KSR2: variants seen among roughly 807,000 people sequenced by gnomAD.
The protein encoded by KSR2 is kinase suppressor of ras 2.
A neutral mutation model predicts 107.8 loss-of-function variants in KSR2; 25 were observed. The observed-to-expected ratio is 0.23, with a 90% CI of 0.17 to 0.32. KSR2 has a LOEUF of 0.32. KSR2 is among the 10% of genes least tolerant of loss of function. The pLI, the probability that KSR2 is intolerant of heterozygous loss-of-function variation, is 1.00. For missense variants in KSR2, 887 were observed against 1,268.9 expected, an observed-to-expected ratio of 0.70 and a Z score of 4.57; for synonymous variants, 480 against 507.0, an observed-to-expected ratio of 0.95 and a Z score of 0.71.
At chr12:117,691,223 A>T (rs1385201088) in intron 4 of KSR2, among the ~76,000 whole-genome samples, 1 of 152,206 alleles carries the variant, frequency 6.6e-6, no homozygotes, top group African/African-American at 2.4e-5. Flanking sequence ...TTTGTTCCAC[A>T]GTGCCCTGGA....
intron 3 of KSR2, among the ~76,000 whole-genome samples, chr12:117,817,100 A>G (rs1198105777): frequency 6.6e-6 from 1 of 152,166 alleles, no homozygotes; most frequent in African/African-American, 2.4e-5. Context: ...CCTTTTGCCA[A>G]ATCTTTCCAG....
chr12:117,832,429 C>G lies in KSR2; in HGVS notation c.472+22999G>C, dbSNP rs530345236. Among the ~76,000 whole-genome samples the G allele has an allele frequency of 2.0e-5, 3 of 152,254 alleles. No individual in the cohort carries two copies. The East Asian group carries it at 5.8e-4, about 29-fold the overall frequency. On this transcript the variant is annotated intron_variant, in intron 3 of 19. Coordinates refer to ENST00000339824, the MANE Select transcript of KSR2 (RefSeq NM_173598.6). Reference sequence around the variant, plus strand: ...AATGGCTACAGATAAAGCTACAGACCCAGCGTCATCAACAAAAGTAGCAAT... The same window carrying G: ...AATGGCTACAGATAAAGCTACAGACGCAGCGTCATCAACAAAAGTAGCAAT...
intron 1 of KSR2, among the ~76,000 whole-genome samples, chr12:117,966,734 A>G (rs1896809543): frequency 6.6e-6 from 1 of 150,922 alleles, no homozygotes; most frequent in African/African-American, 2.4e-5. Context: ...GACCTCCTGC[A>G]TGTTGACATC....
intron 4 of KSR2, among the ~76,000 whole-genome samples, chr12:117,715,147 CA>C (rs1565976080): frequency 6.6e-6 from 1 of 152,140 alleles, no homozygotes; most frequent in Non-Finnish European, 1.5e-5. Context: ...AAAAGAGACA[CA>C]ATTTTCTTAT....
At chr12:117,898,974 G>C (rs145150869) in intron 1 of KSR2, among the ~76,000 whole-genome samples, 1,729 of 152,176 alleles carry the variant, frequency 0.011, 30 homozygotes, top group African/African-American at 0.04. Flanking sequence ...AACCTTAGAA[G>C]TTTCTTCTTT....
At chr12:117,481,916 G>C (rs1189280829) in intron 16 of KSR2, among the ~76,000 whole-genome samples, 1 of 152,130 alleles carries the variant, frequency 6.6e-6, no homozygotes, top group African/African-American at 2.4e-5. Context: ...GCCTTGTCAT[G>C]AACAAGAGGG....
intron 14 of KSR2, among the ~76,000 whole-genome samples, chr12:117,511,512 C>T (rs777294545): frequency 3.9e-4 from 60 of 152,292 alleles, no homozygotes; most frequent in Non-Finnish European, 7.4e-5. Flanking sequence ...CAAGGTTATG[C>T]CCTAGCTTAG....
intron 5 of KSR2, among the ~76,000 whole-genome samples, chr12:117,662,564 G>A (rs994308214): frequency 6.6e-6 from 1 of 152,228 alleles, no homozygotes; most frequent in African/African-American, 2.4e-5. Flanking sequence ...GAGTTGCTTA[G>A]AGTAGGGATG....
At chr12:117,568,193 C>T (rs1004297466) in intron 7 of KSR2, among the ~76,000 whole-genome samples, 1 of 152,174 alleles carries the variant, frequency 6.6e-6, no homozygotes, top group African/African-American at 2.4e-5. Flanking sequence ...CCTCTCCTCT[C>T]CCTCGCCTTC....
chr12:117,955,366 T>C (rs929078157), intron 1 of KSR2, among the ~76,000 whole-genome samples: 3 of 152,084 alleles, frequency 2.0e-5, no homozygotes, highest in African/African-American at 7.2e-5. Context: ...GTTCAAGCAA[T>C]CCTCCTGCTT....
intron 3 of KSR2, among the ~76,000 whole-genome samples, chr12:117,804,519 C>T (rs1890946830): frequency 6.6e-6 from 1 of 152,218 alleles, no homozygotes; most frequent in Admixed American, 6.5e-5. Flanking sequence ...AGACCCTACA[C>T]TGAATACCCA....
At chr12:117,716,569 C>T (rs1162526560) in intron 4 of KSR2, among the ~76,000 whole-genome samples, 1 of 152,202 alleles carries the variant, frequency 6.6e-6, no homozygotes. Context: ...AAACCAACTT[C>T]AACTGTTTCT....
At chr12:117,667,727 C>G (rs1884727040) in intron 4 of KSR2, 69 bp from the exon 5 acceptor site, 2 of 1,342,164 alleles carry the variant, frequency 1.5e-6, no homozygotes, top group South Asian at 1.5e-5. Context: ...AGCAGGGAGG[C>G]CCAGCCTTGT....
chr12:117,947,718 T>A (rs560998640), intron 1 of KSR2, among the ~76,000 whole-genome samples: 1 of 152,252 alleles, frequency 6.6e-6, no homozygotes, highest in Non-Finnish European at 1.5e-5. Context: ...ATCAATTATA[T>A]TTTTAATACT....
At chr12:117,555,396 G>A in intron 8 of KSR2, 103 bp from the exon 9 acceptor site, 3 of 1,138,876 alleles carry the variant, frequency 2.6e-6, no homozygotes, top group Non-Finnish European at 3.8e-6. Flanking sequence ...CCACCCTCCA[G>A]ACTGGAGGAC....
intron 3 of KSR2, among the ~76,000 whole-genome samples, chr12:117,767,497 G>A (rs1326408918): frequency 6.6e-6 from 1 of 151,700 alleles, no homozygotes; most frequent in Admixed American, 6.6e-5. Context: ...TGGGGAAGAT[G>A]ATTGTGAAGT....
intron 4 of KSR2, among the ~76,000 whole-genome samples, chr12:117,679,957 G>A (rs957268472): frequency 6.6e-6 from 1 of 152,178 alleles, no homozygotes; most frequent in African/African-American, 2.4e-5. Context: ...GGTTAGTTGT[G>A]ACAGAGTTGG....
At chr12:117,667,201 G>A (rs1884692634) in intron 5 of KSR2, among the ~76,000 whole-genome samples, 1 of 151,984 alleles carries the variant, frequency 6.6e-6, no homozygotes, top group Admixed American at 6.6e-5. Flanking sequence ...ACAACTTCAG[G>A]GGAAAGAGCA....
chr12:117,874,983 G>A (rs1375268886), intron 1 of KSR2, among the ~76,000 whole-genome samples: 1 of 152,150 alleles, frequency 6.6e-6, no homozygotes, highest in African/African-American at 2.4e-5. Flanking sequence ...AAATCCGACG[G>A]AGCTGGAGCC....
Sources: gnomAD v4.1 joint callset for allele counts (sites outside exome capture counted in the v4.1 genomes callset) on GRCh38, gnomAD v4.1.1 for gene constraint, MANE v1.5 for transcripts, NCBI Gene and HGNC (gene_info 2026-07-23, HGNC 2026-07-21) for gene names.